The following DLGAP2 variants were observed in gnomAD, a reference collection of about 807,000 sequenced individuals.
The protein encoded by DLGAP2 is disks large-associated protein 2.
A neutral mutation model predicts 100.3 loss-of-function variants in DLGAP2; 26 were observed. That is an observed-to-expected ratio of 0.26 (90% CI 0.19 to 0.36). The LOEUF is 0.36. Ranked by LOEUF, DLGAP2 falls within the 10% of genes least tolerant of loss-of-function variation. The pLI, the probability that DLGAP2 is intolerant of heterozygous loss-of-function variation, is 1.00. For synonymous variants in DLGAP2, 886 were observed against 630.1 expected (o/e 1.41, Z -6.08); for missense variants, 1,858 against 1,453.2 (o/e 1.28, Z -4.53).
chr8:1,208,863 CAAAAATAA>C (rs1197273621), intron 2 of DLGAP2, among the ~76,000 whole-genome samples: 1 of 136,706 alleles, frequency 7.3e-6, no homozygotes, highest in African/African-American at 2.9e-5. Context: ...ATAATAGCTG[CAAAAATAA>C]ATAAATAAAT....
At chr8:1,605,109 G>A (rs1408988558) in intron 6 of DLGAP2, among the ~76,000 whole-genome samples, 1 of 152,196 alleles carries the variant, frequency 6.6e-6, no homozygotes, top group Admixed American at 6.5e-5. Context: ...CCCTGAGGAT[G>A]CAGGCCAGGC....
At chr8:1,510,628 A>AGGAC (rs1178190949) in intron 4 of DLGAP2, among the ~76,000 whole-genome samples, 1 of 152,226 alleles carries the variant, frequency 6.6e-6, no homozygotes, top group East Asian at 1.9e-4. Context: ...TGAAGGTCAC[A>AGGAC]GGACGCGCAT....
intron 2 of DLGAP2, among the ~76,000 whole-genome samples, chr8:1,086,786 A>G (rs1189449505): frequency 6.6e-6 from 1 of 152,224 alleles, no homozygotes; most frequent in Non-Finnish European, 1.5e-5. Context: ...CTAAAGGTAG[A>G]GATAGGCTAT....
intron 2 of DLGAP2, chr8:1,018,705 A>C (rs1047854285): frequency 1.3e-5 from 2 of 152,242 alleles, no homozygotes; most frequent in African/African-American, 2.4e-5. Context: ...TGACTATTTT[A>C]GGTCATATTC....
intron 1 of DLGAP2, among the ~76,000 whole-genome samples, chr8:785,479 G>GGT (rs1323778558): frequency 2.3e-5 from 3 of 132,796 alleles, no homozygotes; most frequent in Non-Finnish European, 3.2e-5. Context: ...CCTCCCCTCA[G>GGT]CCCCTGTGAG....
At position 1,327,862 on chromosome 8, in the gene DLGAP2, A is replaced by G. The variant is rs577649462; in HGVS notation, c.106+68979A>G. 3.0e-4 allele frequency among the ~76,000 whole-genome samples: 45 copies of G among 152,096 alleles called. 1 individual carries two copies. In the South Asian group the frequency reaches 9.2e-3, roughly 31 times the overall value. Reference sequence around the variant, plus strand: ...CCGTCTCAAAAAAATAAATAAATAAAATGACGTGCTTGTAAATGAATCCAT... The same window carrying G: ...CCGTCTCAAAAAAATAAATAAATAAGATGACGTGCTTGTAAATGAATCCAT... On this transcript the variant is annotated intron_variant, in intron 3 of 14. Coordinates refer to ENST00000637795, the MANE Select transcript of DLGAP2 (RefSeq NM_001346810.2).
intron 3 of DLGAP2, among the ~76,000 whole-genome samples, chr8:1,328,518 T>G (rs920980958): frequency 2.0e-5 from 3 of 151,956 alleles, no homozygotes; most frequent in Admixed American, 6.6e-5. Flanking sequence ...TTGTTTGTTT[T>G]TTGGTTTTTT....
chr8:1,135,710 G>A (rs1796396009), intron 2 of DLGAP2, among the ~76,000 whole-genome samples: 1 of 152,064 alleles, frequency 6.6e-6, no homozygotes, highest in African/African-American at 2.4e-5. Context: ...TTTGAAAAAA[G>A]CCAAACCTCT....
At chr8:1,387,612 C>A (rs77685511) in intron 3 of DLGAP2, among the ~76,000 whole-genome samples, 1 of 152,168 alleles carries the variant, frequency 6.6e-6, no homozygotes, top group African/African-American at 2.4e-5. Flanking sequence ...GTATGTTCTA[C>A]CCCACAGAAA....
chr8:964,139 C>T (rs1276715005), intron 2 of DLGAP2, among the ~76,000 whole-genome samples: 3 of 152,124 alleles, frequency 2.0e-5, no homozygotes, highest in African/African-American at 2.4e-5. Flanking sequence ...TATTCTATGT[C>T]GTGATACATT....
intron 2 of DLGAP2, among the ~76,000 whole-genome samples, chr8:1,170,481 T>C (rs1229719547): frequency 6.6e-6 from 1 of 152,068 alleles, no homozygotes; most frequent in East Asian, 1.9e-4. Flanking sequence ...CTTGAACCTC[T>C]GGTAGAATTC....
At position 1,669,754 on chromosome 8, in the gene DLGAP2, C is replaced by T. The variant is rs771979028; in HGVS notation, c.2172C>T (p.Phe724=). The change falls in exon 10 of 15, where the codon TTC becomes TTT. Residue 724 remains phenylalanine (F), a synonymous_variant. Coordinates refer to ENST00000637795, the MANE Select transcript of DLGAP2 (RefSeq NM_001346810.2). ...ATTGTTTTGTTTAGGATTCTGAATT[C>T]CCAGAGCATCAGCCATACCCAAGGT... The part of the protein sequence containing the change: ...CSSIGIQDSE[F]PEHQPYPRSD... The T allele has an allele frequency of 2.2e-5, 17 of 780,802 alleles. No homozygotes were observed. The African/African-American group carries it at 2.7e-4, about 12-fold the overall frequency. The allele number at this position is 780,802 out of a possible 1,614,324, so 48.4% of individuals were successfully genotyped here. A position where few individuals can be genotyped will look rare whatever the true frequency, so the allele number is the denominator to read the frequency against.
At chr8:1,054,751 C>T (rs17065631) in intron 2 of DLGAP2, among the ~76,000 whole-genome samples, 8,178 of 152,166 alleles carry the variant, frequency 0.054, 709 homozygotes, top group African/African-American at 0.19. Context: ...GTATTGGTGT[C>T]ACGCTGTTGC....
At chr8:1,442,124 C>G (rs191087375) in intron 3 of DLGAP2, among the ~76,000 whole-genome samples, 231 of 152,354 alleles carry the variant, frequency 1.5e-3, no homozygotes, top group African/African-American at 5.3e-3. Context: ...GAGACAGATC[C>G]AGGCATAGAC....
chr8:1,251,905 G>A (rs561147021), intron 2 of DLGAP2, among the ~76,000 whole-genome samples: 7 of 152,356 alleles, frequency 4.6e-5, no homozygotes, highest in African/African-American at 1.4e-4. Context: ...ACAGTATTGT[G>A]TTATCACGTG....
intron 4 of DLGAP2, among the ~76,000 whole-genome samples, chr8:1,516,241 G>C (rs1024646119): frequency 1.3e-5 from 2 of 152,030 alleles, no homozygotes; most frequent in Non-Finnish European, 2.9e-5. Context: ...GTGAGTTACT[G>C]AGTAAATGAG....
At chr8:1,622,956 G>A (rs763985104) in intron 6 of DLGAP2, among the ~76,000 whole-genome samples, 4 of 152,170 alleles carry the variant, frequency 2.6e-5, no homozygotes, top group African/African-American at 7.2e-5. Flanking sequence ...ACCGGAGGGT[G>A]CATCCCCCCA....
intron 3 of DLGAP2, among the ~76,000 whole-genome samples, chr8:1,349,363 C>A (rs1468869351): frequency 3.3e-3 from 396 of 118,538 alleles, no homozygotes; most frequent in Admixed American, 6.9e-3. Context: ...CTATCGTGAG[C>A]CTCGTGCCCA....
intron 2 of DLGAP2, among the ~76,000 whole-genome samples, chr8:917,213 C>A (rs1798612393): frequency 8.2e-6 from 1 of 122,038 alleles, no homozygotes; most frequent in Non-Finnish European, 1.9e-5. Context: ...CTCCCTCCCT[C>A]CATCCCTCCC....
Sources: gnomAD v4.1 joint callset for allele counts (sites outside exome capture counted in the v4.1 genomes callset) on GRCh38, gnomAD v4.1.1 for gene constraint, MANE v1.5 for transcripts, NCBI Gene and HGNC (gene_info 2026-07-23, HGNC 2026-07-21) for gene names.